Variants in GHR observed in about 807,000 individuals in gnomAD.
The protein encoded by GHR is growth hormone receptor, also known as GH receptor.
A neutral mutation model predicts 67.1 loss-of-function variants in GHR; 35 were observed. The observed-to-expected ratio is 0.52, with a 90% confidence interval of 0.40 to 0.69. The LOEUF (loss-of-function observed/expected upper bound fraction) is 0.69. Among genes scored for constraint, GHR ranks in the 30% least tolerant of loss-of-function variants. GHR has a pLI of 0.00. For missense variants in GHR, 792 were observed against 764.6 expected (o/e 1.04, Z -0.42); for synonymous variants, 272 against 269.1 (o/e 1.01, Z -0.10).
At chr5:42,657,994 T>G (rs1755347833) in intron 3 of GHR, among the ~76,000 whole-genome samples, 1 of 152,216 alleles carries the variant, frequency 6.6e-6, no homozygotes, top group African/African-American at 2.4e-5. Context: ...GGACTTGTCT[T>G]TAGTTTCTCA....
intron 1 of GHR, among the ~76,000 whole-genome samples, chr5:42,481,058 C>T (rs1407068138): frequency 6.6e-6 from 1 of 151,920 alleles, no homozygotes; most frequent in Non-Finnish European, 1.5e-5. Context: ...GTGCTTCCTT[C>T]AGGAGCTCTT....
chr5:42,554,506 G>C (rs1281126562), intron 1 of GHR, among the ~76,000 whole-genome samples: 1 of 152,140 alleles, frequency 6.6e-6, no homozygotes, highest in East Asian at 1.9e-4. Flanking sequence ...CAAAATAACT[G>C]TATGAAGGTC....
At chr5:42,566,004 G>A (rs561619571) in intron 2 of GHR, 60 bp downstream of exon 2, 53 of 1,584,924 alleles carry the variant, frequency 3.3e-5, no homozygotes, top group South Asian at 2.9e-4. Flanking sequence ...AACTGTATTC[G>A]CTACATCCAA....
chr5:42,679,117 T>C (rs111338406), intron 3 of GHR, among the ~76,000 whole-genome samples: 3 of 139,850 alleles, frequency 2.1e-5, no homozygotes, highest in Non-Finnish European at 4.6e-5. Context: ...ATTATTATAA[T>C]ATATTATATA....
At chr5:42,544,623 C>T (rs987935775) in intron 1 of GHR, among the ~76,000 whole-genome samples, 7 of 152,118 alleles carry the variant, frequency 4.6e-5, no homozygotes, top group South Asian at 2.1e-4. Context: ...AAACTAGAAG[C>T]GATCTATATC....
intron 2 of GHR, among the ~76,000 whole-genome samples, chr5:42,605,579 A>T (rs922854619): frequency 3.3e-5 from 5 of 152,138 alleles, no homozygotes; most frequent in Admixed American, 6.5e-5. Flanking sequence ...CTCTCTCCTC[A>T]GGGATAAGCT....
At chr5:42,442,951 G>A (rs73083416) in intron 1 of GHR, among the ~76,000 whole-genome samples, 2,767 of 152,288 alleles carry the variant, frequency 0.018, 80 homozygotes, top group African/African-American at 0.062. Context: ...GGGGAAGATG[G>A]TATAATTAAG....
At chr5:42,527,480 G>T (rs1238147540) in intron 1 of GHR, among the ~76,000 whole-genome samples, 2 of 152,138 alleles carry the variant, frequency 1.3e-5, no homozygotes, top group Admixed American at 6.6e-5. Flanking sequence ...ATTACATAAT[G>T]GTAAACGGTT....
chr5:42,713,068 A>G, intron 7 of GHR, among the ~76,000 whole-genome samples: 1 of 152,096 alleles, frequency 6.6e-6, no homozygotes, highest in Non-Finnish European at 1.5e-5. Context: ...TTATTTAGGT[A>G]GTGTGTTAAT....
At chr5:42,480,725 T>C (rs1039259963) in intron 1 of GHR, among the ~76,000 whole-genome samples, 4 of 152,174 alleles carry the variant, frequency 2.6e-5, no homozygotes, top group East Asian at 1.9e-4. Context: ...CCTTTTTCTG[T>C]TTTCCATTTG....
At chr5:42,617,846 A>T (rs1380324388) in intron 2 of GHR, among the ~76,000 whole-genome samples, 1 of 152,140 alleles carries the variant, frequency 6.6e-6, no homozygotes, top group East Asian at 1.9e-4. Flanking sequence ...AATTCAAACA[A>T]GGAAACAAAA....
chr5:42,476,685 T>C (rs1745339426), intron 1 of GHR, among the ~76,000 whole-genome samples: 1 of 152,198 alleles, frequency 6.6e-6, no homozygotes, highest in African/African-American at 2.4e-5. Flanking sequence ...AAAGTTCCTT[T>C]CTGACACAGA....
At chr5:42,587,037 A>C (rs1356452224) in intron 2 of GHR, among the ~76,000 whole-genome samples, 1 of 151,608 alleles carries the variant, frequency 6.6e-6, no homozygotes, top group Non-Finnish European at 1.5e-5. Flanking sequence ...AAAAAAAAAA[A>C]CTCACTGAAT....
chr5:42,609,875 G>A (rs749949114), intron 2 of GHR, among the ~76,000 whole-genome samples: 32 of 152,168 alleles, frequency 2.1e-4, no homozygotes, highest in Admixed American at 1.2e-3. Flanking sequence ...TATTCAAGAG[G>A]GTGAAATAAT....
At chr5:42,518,032 A>G (rs1044012767) in intron 1 of GHR, among the ~76,000 whole-genome samples, 4 of 151,802 alleles carry the variant, frequency 2.6e-5, no homozygotes, top group Non-Finnish European at 4.4e-5. Flanking sequence ...GTTATCTATG[A>G]GCTTGAAGTT....
rs79600170 is a variant in GHR, at chr5:42,556,268, A to G, written c.-11-9596A>G. On this transcript the variant is annotated intron_variant, in intron 1 of 9. Transcript: ENST00000230882. Reference sequence around the variant, plus strand: ...AGATATAAAAAGTATTTAGTATACTATAAATTATTATAGTAATCATTGTTA... The same window carrying G: ...AGATATAAAAAGTATTTAGTATACTGTAAATTATTATAGTAATCATTGTTA... 8.5e-4 allele frequency among the ~76,000 whole-genome samples: 129 copies of G among 152,322 alleles called. 2 individuals are homozygous for G. In the East Asian group the frequency reaches 0.023, roughly 28 times the overall value.
chr5:42,622,804 G>A (rs1753516683), intron 2 of GHR, among the ~76,000 whole-genome samples: 1 of 152,112 alleles, frequency 6.6e-6, no homozygotes, highest in South Asian at 2.1e-4. Flanking sequence ...ACTGGGATTG[G>A]CTGCATTTAG....
intron 3 of GHR, among the ~76,000 whole-genome samples, chr5:42,680,570 C>A (rs1300634449): frequency 6.6e-6 from 1 of 151,614 alleles, no homozygotes; most frequent in Non-Finnish European, 1.5e-5. Flanking sequence ...GTGACACGAT[C>A]TCAGCTCACT....
At chr5:42,604,105 G>A (rs1463350787) in intron 2 of GHR, among the ~76,000 whole-genome samples, 1 of 152,160 alleles carries the variant, frequency 6.6e-6, no homozygotes, top group African/African-American at 2.4e-5. Context: ...GGTCAGGAAG[G>A]GTCATGAGTA....
Sources: allele counts gnomAD v4.1 joint callset (sites outside exome capture counted in the v4.1 genomes callset), GRCh38; gene constraint gnomAD v4.1.1; transcripts MANE v1.5; gene names NCBI Gene and HGNC (gene_info 2026-07-23, HGNC 2026-07-21).